NAP1L4: variants seen among roughly 807,000 people sequenced by gnomAD.
NAP1L4 encodes nucleosome assembly protein 1 like 4.
NAP1L4 carries 15 observed loss-of-function variants against 58.2 expected under a neutral mutation model. The ratio of observed to expected loss-of-function variants is 0.26; its 90% CI spans 0.17 to 0.40. NAP1L4 has a LOEUF of 0.40. Among genes scored for constraint, NAP1L4 ranks in the 10% least tolerant of loss-of-function variants. NAP1L4 has a pLI of 1.00. For synonymous variants in NAP1L4, 171 were observed against 155.6 expected, an observed-to-expected ratio of 1.10 and a Z score of -0.74; for missense variants, 384 against 451.1, an observed-to-expected ratio of 0.85 and a Z score of 1.35.
Position 2,959,248 on chromosome 11 carries a change from T to G in NAP1L4, c.746+522A>C, listed in dbSNP as rs1465576945. 6.6e-6 allele frequency among the ~76,000 whole-genome samples: 1 copy of G among 152,238 alleles called. No individual in the cohort carries two copies. Among genetic ancestry groups the G allele is most frequent in the Non-Finnish European group, 1.5e-5 (1 of 68,028 alleles). Reference sequence around the variant, plus strand: ...AAACGTAATTGTTTCAAGTCAAGACTAAAACCATTTCTCAGTCAACCCAAC... The same window carrying G: ...AAACGTAATTGTTTCAAGTCAAGACGAAAACCATTTCTCAGTCAACCCAAC... On this transcript the variant is annotated intron_variant, in intron 9 of 15. Transcript: ENST00000380542. The surrounding 1 kb of genome is among the most constrained non-coding windows in gnomAD (Gnocchi z 4.9).
chr11:2,973,057 A>G lies in NAP1L4; in HGVS notation c.174-814T>C, dbSNP rs1847743302. Among the ~76,000 whole-genome samples the G allele has an allele frequency of 1.3e-5, 2 of 152,250 alleles. 1 individual carries two copies. The highest frequency in any genetic ancestry group is 4.1e-4 in the South Asian group (2 of 4,836). On this transcript the variant is annotated intron_variant, in intron 4 of 15. Coordinates refer to ENST00000380542, the MANE Select transcript of NAP1L4 (RefSeq NM_005969.4). ...GATCTGTACAAGTGAAAAACTGGACAATGCAAGTGCAACAGCATTCAAATA... is the reference window on the plus strand; with the variant it reads ...GATCTGTACAAGTGAAAAACTGGACGATGCAAGTGCAACAGCATTCAAATA...
intron 8 of NAP1L4, among the ~76,000 whole-genome samples, chr11:2,960,797 T>C (rs1177928877): frequency 6.6e-6 from 1 of 152,240 alleles, no homozygotes; most frequent in South Asian, 2.1e-4. Flanking sequence ...TGCATCGATA[T>C]GTGCAAAGAC....
intron 1 of NAP1L4, chr11:2,990,645 G>A (rs1354678292): frequency 6.5e-6 from 1 of 152,902 alleles, no homozygotes; most frequent in African/African-American, 2.4e-5. Flanking sequence ...TCCCTCTACA[G>A]AAGCAGTAAC....
At chr11:2,973,897 T>G (rs1341441416) in intron 4 of NAP1L4, among the ~76,000 whole-genome samples, 1 of 152,072 alleles carries the variant, frequency 6.6e-6, no homozygotes, top group Non-Finnish European at 1.5e-5. Context: ...GCATCCTGAA[T>G]AGTTGGACTA....
At position 2,969,871 on chromosome 11, in the gene NAP1L4, G is replaced by T; in HGVS notation, c.466C>A (p.Pro156Thr). The change falls in exon 7 of 16, where the codon CCC becomes ACC. Residue 156 changes from proline to threonine, a missense_variant. This residue lies in a region of NAP1L4 where 296 missense variants were observed against 360.8 expected (regional missense o/e 0.82). Transcript: ENST00000380542. The part of the protein sequence containing the change: ...KAAATAEEPD[P>T]KGIPEFWFTI... ...AACCAGAACTCTGGAATTCCTTTGG[G>T]ATCTGGCTCTTCAGCCGTTGCCGCT... 1 of 1,613,788 alleles carries T rather than the reference G, an allele frequency of 6.2e-7. No homozygotes were observed. Among genetic ancestry groups the T allele is most frequent in the Non-Finnish European group, 8.5e-7 (1 of 1,179,826 alleles).
chr11:2,965,289 C>G (rs1847200318), intron 7 of NAP1L4, among the ~76,000 whole-genome samples: 1 of 152,254 alleles, frequency 6.6e-6, no homozygotes, highest in Non-Finnish European at 1.5e-5. Context: ...GTGTGTTCAT[C>G]AGAGCATATT....
chr11:2,977,380 T>G (rs756506655), intron 3 of NAP1L4, among the ~76,000 whole-genome samples: 1 of 152,220 alleles, frequency 6.6e-6, no homozygotes, highest in Non-Finnish European at 1.5e-5. Context: ...CACTGCATCA[T>G]GTTACCTGTG....
intron 4 of NAP1L4, among the ~76,000 whole-genome samples, chr11:2,973,457 T>C (rs1847765983): frequency 6.6e-6 from 1 of 151,776 alleles, no homozygotes; most frequent in African/African-American, 2.4e-5. Context: ...ACAATCAGAG[T>C]CTTCAAGTCT....
intron 9 of NAP1L4, chr11:2,958,850 C>T (rs1307448542): frequency 2.1e-5 from 7 of 332,194 alleles, no homozygotes; most frequent in Non-Finnish European, 3.9e-5. Context: ...GTCAAGTCTG[C>T]ATGATGCACA....
chr11:2,945,528 T>G lies in NAP1L4; in HGVS notation c.*151A>C. On this transcript the variant is annotated 3_prime_UTR_variant, in exon 16 of 16. Transcript: ENST00000380542. ...ATGGAGTAAGCTCTGTCCACGGGAT[T>G]GTGCTGCGGCAAGGACCGAGGCCCC... The G allele has an allele frequency of 8.0e-7, 1 of 1,242,420 alleles. No homozygotes were observed. Among genetic ancestry groups the G allele is most frequent in the Non-Finnish European group, 1.1e-6 (1 of 889,774 alleles). 77.0% of individuals were successfully genotyped at this position (1,242,420 alleles called of 1,614,324 possible).
intron 14 of NAP1L4, among the ~76,000 whole-genome samples, chr11:2,950,081 GCTGA>G (rs1198866440): frequency 1.3e-5 from 2 of 152,220 alleles, no homozygotes; most frequent in East Asian, 1.9e-4. Flanking sequence ...TTGTTCACTG[GCTGA>G]CTGACAGCCC....
intron 1 of NAP1L4, among the ~76,000 whole-genome samples, chr11:2,991,624 A>G (rs1314413215): frequency 6.6e-6 from 1 of 152,138 alleles, no homozygotes; most frequent in Admixed American, 6.5e-5. Context: ...AACAGCTAAG[A>G]AGCAACGCCA....
At position 2,951,342 on chromosome 11, in the gene NAP1L4, G is replaced by A. The variant is rs1351028839; in HGVS notation, c.1066-27C>T. The A allele has an allele frequency of 1.9e-6, 3 of 1,598,344 alleles. No individual in the cohort carries two copies. The highest frequency in any genetic ancestry group is 3.3e-5 in the Admixed American group (2 of 59,824). On this transcript the variant is annotated intron_variant, in intron 13 of 15. Transcript: ENST00000380542. The surrounding 1 kb of genome is among the most constrained non-coding windows in gnomAD (Gnocchi z 4.0). ...TGTATTTAAAAAGTGAGAATTAGCT[G>A]GAATGACAAGATTTAAACTCTTGTG...
chr11:2,960,823 A>C (rs918155626), intron 8 of NAP1L4, among the ~76,000 whole-genome samples: 2 of 152,230 alleles, frequency 1.3e-5, no homozygotes, highest in Non-Finnish European at 2.9e-5. Context: ...CCTCATCCCT[A>C]TTTATAGAAG....
chr11:2,949,234 C>CT lies in NAP1L4; in HGVS notation c.*24_*25insA. On this transcript the variant is annotated 3_prime_UTR_variant, in exon 15 of 16. Transcript: ENST00000380542. This position sits in a 1 kb window ranked among gnomAD's most constrained non-coding sequence, Gnocchi z 4.0. ...AATGGAATTCCACCTTACCTAGAAA[C>CT]GTATGAATGATTAACAGACAAAAAT... The CT allele has an allele frequency of 6.3e-7, 1 of 1,594,290 alleles. No homozygotes were observed. Among genetic ancestry groups the CT allele is most frequent in the Non-Finnish European group, 8.6e-7 (1 of 1,162,302 alleles).
intron 9 of NAP1L4, chr11:2,958,876 T>C: frequency 3.8e-6 from 1 of 265,244 alleles, no homozygotes. Flanking sequence ...TTGTCCGCGG[T>C]TTCCCAAGGA....
rs1350123048 is a variant in NAP1L4 at position 2,954,312 on chromosome 11, C to A, written c.1035+215G>T. On this transcript the variant is annotated intron_variant, in intron 12 of 15. Coordinates refer to ENST00000380542, the MANE Select transcript of NAP1L4 (RefSeq NM_005969.4). This position sits in a 1 kb window ranked among gnomAD's most constrained non-coding sequence, Gnocchi z 4.8. ...AAACTGGCAATCACCTCTGAAACTGCTTCACAGACACCTGCTTTTCCTGCT... is the reference window on the plus strand; with the variant it reads ...AAACTGGCAATCACCTCTGAAACTGATTCACAGACACCTGCTTTTCCTGCT... The A allele has an allele frequency of 1.4e-6, 1 of 694,262 alleles. No homozygotes were observed. Among genetic ancestry groups the A allele is most frequent in the Non-Finnish European group, 2.5e-6 (1 of 406,974 alleles). The allele number at this position is 694,262 out of a possible 1,614,324, so 43.0% of individuals were successfully genotyped here.
At chr11:2,963,802 CCAGT>C (rs750838414) in intron 8 of NAP1L4, 4 of 519,162 alleles carry the variant, frequency 7.7e-6, no homozygotes, top group South Asian at 2.8e-5. Context: ...CTGAAAGCCA[CCAGT>C]CAGTCAGTCA....
chr11:2,960,096 C>T lies in NAP1L4; in HGVS notation c.607-187G>A, dbSNP rs141866798. The T allele has an allele frequency of 4.6e-4, 274 of 589,970 alleles. No individual in the cohort carries two copies. In the African/African-American group the frequency reaches 4.9e-3, roughly 10 times the overall value. The allele number at this position is 589,970 out of a possible 1,614,324, so 36.5% of individuals were successfully genotyped here. Reference sequence around the variant, plus strand: ...GTTAAAAAAACCAACGATGGACTGGCGGGAAATATCTGTTCAGTTCATGAG... The same window carrying T: ...GTTAAAAAAACCAACGATGGACTGGTGGGAAATATCTGTTCAGTTCATGAG... On this transcript the variant is annotated intron_variant, in intron 8 of 15. Transcript: ENST00000380542.
Sources: allele counts gnomAD v4.1 joint callset (sites outside exome capture counted in the v4.1 genomes callset), GRCh38; gene constraint gnomAD v4.1.1; regional missense constraint gnomAD v4.1.1; non-coding constraint Gnocchi (gnomAD v3.1); transcripts MANE v1.5; gene names NCBI Gene and HGNC (gene_info 2026-07-23, HGNC 2026-07-21).